Variants in SNCAIP observed in about 807,000 individuals in gnomAD.
SNCAIP encodes synuclein alpha interacting protein.
A neutral mutation model predicts 86.7 loss-of-function variants in SNCAIP; 43 were observed. That is an observed-to-expected ratio of 0.50 (90% CI 0.39 to 0.64). The LOEUF (loss-of-function observed/expected upper bound fraction) is 0.64. SNCAIP is among the 30% of genes least tolerant of loss of function. The probability of loss-of-function intolerance (pLI) is 0.00; values close to 1 mark genes in which losing one functional copy is unlikely to be tolerated. For missense variants in SNCAIP, 981 were observed against 1,103.1 expected, an observed-to-expected ratio of 0.89 and a Z score of 1.57; for synonymous variants, 417 against 427.2, an observed-to-expected ratio of 0.98 and a Z score of 0.29.
intron 10 of SNCAIP, among the ~76,000 whole-genome samples, chr5:122,462,380 T>TTTA (rs1178689367): frequency 6.6e-6 from 1 of 152,326 alleles, no homozygotes; most frequent in East Asian, 1.9e-4. Context: ...TTGTGCCTTT[T>TTTA]TTATTTATTT....
intron 7 of SNCAIP, 113 bp downstream of exon 7, chr5:122,440,867 C>A: frequency 1.0e-6 from 1 of 995,624 alleles, no homozygotes; most frequent in Non-Finnish European, 1.6e-6. Flanking sequence ...TTTGTATGGT[C>A]GTAGACAATA....
chr5:122,413,383 A>T (rs1561703198), intron 3 of SNCAIP, among the ~76,000 whole-genome samples: 1 of 151,982 alleles, frequency 6.6e-6, no homozygotes, highest in Non-Finnish European at 1.5e-5. Context: ...CTTTCCTCTT[A>T]TATTATCTCC....
chr5:122,418,821 G>T (rs1236266557), intron 3 of SNCAIP, among the ~76,000 whole-genome samples: 1 of 152,190 alleles, frequency 6.6e-6, no homozygotes, highest in Non-Finnish European at 1.5e-5. Flanking sequence ...AGGGCTACCT[G>T]AAATATTTGA....
chr5:122,426,447 G>T (rs1015750376), intron 5 of SNCAIP, among the ~76,000 whole-genome samples: 2 of 152,044 alleles, frequency 1.3e-5, no homozygotes, highest in Non-Finnish European at 2.9e-5. Flanking sequence ...ATTAACTGCT[G>T]TTCTACCTTA....
At chr5:122,395,372 A>C (rs1770383750) in intron 2 of SNCAIP, among the ~76,000 whole-genome samples, 1 of 152,164 alleles carries the variant, frequency 6.6e-6, no homozygotes. Flanking sequence ...CTTTCTGTAT[A>C]ACTCTGACTG....
intron 8 of SNCAIP, among the ~76,000 whole-genome samples, chr5:122,448,664 TATATA>T (rs1387708127): frequency 2.7e-5 from 3 of 111,452 alleles, no homozygotes; most frequent in Non-Finnish European, 6.1e-5. Flanking sequence ...ATATATATTA[TATATA>T]TTATATATGT....
chr5:122,322,960 G>A (rs1043284577), intron 1 of SNCAIP, among the ~76,000 whole-genome samples: 1 of 152,274 alleles, frequency 6.6e-6, no homozygotes. Flanking sequence ...GACAGCTCTG[G>A]TGTTCTGTGT....
At chr5:122,338,554 G>A (rs1035820352) in intron 1 of SNCAIP, among the ~76,000 whole-genome samples, 5 of 152,060 alleles carry the variant, frequency 3.3e-5, no homozygotes, top group African/African-American at 7.2e-5. Context: ...ATACCATTTC[G>A]TATGCACACA....
Position 122,463,632 on chromosome 5 carries a change from G to A in SNCAIP, c.*136G>A, listed in dbSNP as rs565644121. On this transcript the variant is annotated 3_prime_UTR_variant, in exon 11 of 11. Transcript: ENST00000261368. ...CTTTGGAAATTATTGGAAATTTCTG[G>A]ACTATCCTCTTTGGAAAGAGAACCA... The A allele has an allele frequency of 8.0e-6, 7 of 880,150 alleles. No individual in the cohort carries two copies. In the South Asian group the frequency reaches 9.3e-5, roughly 12 times the overall value. 54.5% of individuals were successfully genotyped at this position (880,150 alleles called of 1,614,324 possible).
intron 1 of SNCAIP, among the ~76,000 whole-genome samples, chr5:122,353,439 CAAAA>C (rs60366701): frequency 1.1e-5 from 1 of 94,148 alleles, no homozygotes; most frequent in Non-Finnish European, 2.4e-5. Context: ...CATAATTAAG[CAAAA>C]AAAAAAAAAA....
chr5:122,314,454 T>C (rs942610132), intron 1 of SNCAIP, among the ~76,000 whole-genome samples: 3 of 152,224 alleles, frequency 2.0e-5, no homozygotes, highest in African/African-American at 7.2e-5. Context: ...ATAGAAGCTT[T>C]GTTTTTGGCA....
chr5:122,328,915 T>TTCCCTG lies in SNCAIP; in HGVS notation c.-47+16632_-47+16633insCCCTGT, dbSNP rs937783867. ...CAAAGTTTGTTAGTCTTCTGGGTAT[T>TTCCCTG]TTCCTGTTCCTGTTCCTGTTTCCAT... On this transcript the variant is annotated intron_variant, in intron 1 of 10. Coordinates refer to ENST00000261368, the MANE Select transcript of SNCAIP (RefSeq NM_005460.4). 2.0e-5 allele frequency among the ~76,000 whole-genome samples: 3 copies of TTCCCTG among 152,236 alleles called. No homozygotes were observed. In the East Asian group the frequency reaches 5.8e-4, roughly 29 times the overall value.
At chr5:122,337,868 T>G (rs887732212) in intron 1 of SNCAIP, among the ~76,000 whole-genome samples, 4 of 152,198 alleles carry the variant, frequency 2.6e-5, no homozygotes, top group African/African-American at 7.2e-5. Flanking sequence ...ACAGCACAAC[T>G]GAAATAGAAA....
At chr5:122,368,276 G>A (rs1763581114) in intron 1 of SNCAIP, among the ~76,000 whole-genome samples, 1 of 152,080 alleles carries the variant, frequency 6.6e-6, no homozygotes, top group South Asian at 2.1e-4. Context: ...GTTTTCCTAT[G>A]ATGGCAGCTC....
chr5:122,444,032 G>A (rs982489897), intron 7 of SNCAIP: 3 of 456,318 alleles, frequency 6.6e-6, no homozygotes, highest in Non-Finnish European at 1.3e-5. Context: ...CATTGTGGGA[G>A]GGTGGGAGCT....
intron 3 of SNCAIP, among the ~76,000 whole-genome samples, chr5:122,419,726 C>G (rs924308101): frequency 6.6e-6 from 1 of 152,058 alleles, no homozygotes; most frequent in African/African-American, 2.4e-5. Context: ...TTCCAAAAAG[C>G]AAATTTAGCC....
At position 122,381,156 on chromosome 5, in the gene SNCAIP, T is replaced by C. The variant is rs866653544; in HGVS notation, c.-46-9933T>C. On this transcript the variant is annotated intron_variant, in intron 1 of 10. Coordinates refer to ENST00000261368, the MANE Select transcript of SNCAIP (RefSeq NM_005460.4). ...GACAGTGGGGTGTTAAAGTCTCCCA[T>C]TATTAATGTGTGGGAGTCTAAGTCT... Among the ~76,000 whole-genome samples the C allele has an allele frequency of 4.5e-4, 62 of 139,100 alleles. No homozygotes were observed. In the South Asian group the frequency reaches 0.014, roughly 32 times the overall value. The allele number at this position is 139,100 out of a possible 152,430, so 91.3% of individuals were successfully genotyped here. A position where few individuals can be genotyped will look rare whatever the true frequency, so the allele number is the denominator to read the frequency against.
intron 1 of SNCAIP, among the ~76,000 whole-genome samples, chr5:122,355,238 C>T (rs1192546050): frequency 2.0e-5 from 3 of 152,138 alleles, no homozygotes; most frequent in Non-Finnish European, 4.4e-5. Context: ...TGGTTAAGAT[C>T]TCTTGAAGTT....
At chr5:122,342,815 C>T (rs535628750) in intron 1 of SNCAIP, among the ~76,000 whole-genome samples, 7 of 152,252 alleles carry the variant, frequency 4.6e-5, no homozygotes, top group African/African-American at 1.2e-4. Flanking sequence ...TTTTGTCACT[C>T]GTTTTCATGG....
Sources: allele counts gnomAD v4.1 joint callset (sites outside exome capture counted in the v4.1 genomes callset), GRCh38; gene constraint gnomAD v4.1.1; transcripts MANE v1.5; gene names NCBI Gene and HGNC (gene_info 2026-07-23, HGNC 2026-07-21).